LTBP4: variants seen among roughly 807,000 people sequenced by gnomAD.
LTBP4 encodes latent transforming growth factor beta binding protein 4.
A neutral mutation model predicts 180.2 loss-of-function variants in LTBP4; 93 were observed. The observed-to-expected ratio is 0.52, with a 90% CI of 0.44 to 0.61. LTBP4 has a LOEUF of 0.61. Among genes scored for constraint, LTBP4 ranks in the 20% least tolerant of loss-of-function variants. The pLI is 0.00. For synonymous variants in LTBP4, 947 were observed against 934.5 expected, an observed-to-expected ratio of 1.01 and a Z score of -0.24; for missense variants, 2,116 against 2,256.5, an observed-to-expected ratio of 0.94 and a Z score of 1.26.
intron 11 of LTBP4, 102 bp from the exon 12 acceptor site, chr19:40,610,430 C>A: frequency 2.1e-6 from 3 of 1,409,388 alleles, no homozygotes; most frequent in Admixed American, 2.2e-5. Flanking sequence ...TGGCTCTGGC[C>A]CAAGCTTGGT....
At position 40,626,991 on chromosome 19, in the gene LTBP4, G is replaced by C; in HGVS notation, c.4002G>C (p.Leu1334=). 1 of 1,572,098 alleles carries C rather than the reference G, an allele frequency of 6.4e-7. No homozygotes were observed. Among genetic ancestry groups the C allele is most frequent in the East Asian group, 2.3e-5 (1 of 44,320 alleles). Residue 1334 remains leucine, a synonymous_variant, in exon 28 of 30, where the codon CTG becomes CTC. Transcript: ENST00000396819. ...PAQDSDDFEA[L]CNVLRPPAYS... is the part of the protein sequence containing the mutation. The stretch of plus-strand genomic sequence containing the variant: ...TGTTCCCAGATGACTTCGAGGCCCT[G>C]TGCAATGTGCTACGCCCCCCCGCAT...
At position 40,613,739 on chromosome 19, in the gene LTBP4, G is replaced by T. The variant is rs1240995876; in HGVS notation, c.2558-177G>T. On this transcript the variant is annotated intron_variant, in intron 17 of 29. Transcript: ENST00000396819. This position sits in a 1 kb window ranked among gnomAD's most constrained non-coding sequence, Gnocchi z 5.0. ...GAGTCTGGGTATTTGGACCGTGATTGTAAAGAAGCTGTTCTAAACCCGTCG... is the reference window on the plus strand; with the variant it reads ...GAGTCTGGGTATTTGGACCGTGATTTTAAAGAAGCTGTTCTAAACCCGTCG... 8.1e-7 allele frequency: 1 copy of T among 1,232,306 alleles called. No homozygotes were observed. Among genetic ancestry groups the T allele is most frequent in the Non-Finnish European group, 1.1e-6 (1 of 874,374 alleles). 76.3% of individuals were successfully genotyped at this position (1,232,306 alleles called of 1,614,324 possible). A position where few individuals can be genotyped will look rare whatever the true frequency, so the allele number is the denominator to read the frequency against.
Position 40,614,025 on chromosome 19 carries a change from C to A in LTBP4, c.2667C>A (p.Leu889=). The A allele has an allele frequency of 6.2e-7, 1 of 1,612,806 alleles. No individual in the cohort carries two copies. The highest frequency in any genetic ancestry group is 1.1e-5 in the South Asian group (1 of 91,046). The change falls in exon 18 of 30, where the codon CTC becomes CTA. Residue 889 remains leucine (L), a synonymous_variant. Transcript: ENST00000396819. ...CGGGACACCGCGCTGGCCCGGACCT[C>A]GCCTCCTGCCTCGGTGAGAGGCCCC... ...CPPGHRAGPD[L]ASCLDVDECR... is the part of the protein sequence containing the mutation.
Position 40,608,229 on chromosome 19 carries a change from G to T in LTBP4, c.1166G>T (p.Arg389Leu). The T allele has an allele frequency of 1.2e-6, 2 of 1,613,900 alleles. No homozygotes were observed. The highest frequency in any genetic ancestry group is 1.7e-6 in the Non-Finnish European group (2 of 1,179,892). Reference protein sequence around the residue: ...LCPPFGSEGFREICPAGPGYH... With the variant: ...LCPPFGSEGFLEICPAGPGYH... ...TCTTACCTATTCCCAGAGGGTTTCC[G>T]GGAGATCTGCCCGGCTGGTCCTGGT... The change falls in exon 8 of 30, where the codon CGG (arginine) becomes CTG (leucine). Residue 389 changes from arginine (R) to leucine (L), a missense_variant. Arg to Leu is a moderately radical substitution (Grantham distance 102). Coordinates refer to ENST00000396819, the MANE Select transcript of LTBP4 (RefSeq NM_001042545.2).
chr19:40,613,346 C>T lies in LTBP4; in HGVS notation c.2432-58C>T. On this transcript the variant is annotated intron_variant, in intron 16 of 29. Transcript: ENST00000396819. The surrounding 1 kb of genome is among the most constrained non-coding windows in gnomAD (Gnocchi z 5.0). The stretch of plus-strand genomic sequence containing the variant: ...GGGGGCGGGGTTACTGCGATGTGGG[C>T]GGAGCTTGTCTGGGAGGCCGGGTCC... 1 of 1,574,450 alleles carries T rather than the reference C, an allele frequency of 6.4e-7. No homozygotes were observed. The highest frequency in any genetic ancestry group is 2.4e-5 in the East Asian group (1 of 42,514).
Position 40,593,926 on chromosome 19 carries a change from C to T in LTBP4, c.16+745C>T, listed in dbSNP as rs139179684. ...CTCCCACCTTAGCCTCTTGAGTAGC[C>T]GGGATTACAGGCGTGCGCCACCATG... is the stretch of plus-strand genomic sequence containing the variant. On this transcript the variant is annotated intron_variant, in intron 1 of 32. Coordinates refer to the LTBP4 transcript ENST00000204005. 7.0e-3 allele frequency among the ~76,000 whole-genome samples: 1,065 copies of T among 151,942 alleles called. 13 individuals are homozygous for T. Among genetic ancestry groups the T allele is most frequent in the African/African-American group, 0.024 (1,004 of 41,438 alleles).
At chr19:40,595,442 A>C (rs2081384933) in intron 1 of LTBP4, among the ~76,000 whole-genome samples, 1 of 77,592 alleles carries the variant, frequency 1.3e-5, no homozygotes, top group Admixed American at 1.5e-4. Context: ...CCTGACCCAC[A>C]GGATCTGCTC....
chr19:40,597,347 T>C (rs2081396661), upstream of LTBP4: 2 of 1,523,128 alleles, frequency 1.3e-6, no homozygotes, highest in South Asian at 2.4e-5. Context: ...AGCCAGGTCG[T>C]CGAGGTCCCG....
At position 40,629,428 on chromosome 19, in the gene LTBP4, T is replaced by A; in HGVS notation, c.4552T>A (p.Ser1518Thr). Reference sequence around the variant, plus strand: ...CGAGTGTGATGAGGCCGAGGCTGCCTCCCCGCTGTGCGTCAACGCGCGTTG... The same window carrying A: ...CGAGTGTGATGAGGCCGAGGCTGCCACCCCGCTGTGCGTCAACGCGCGTTG... Reference protein sequence around the residue: ...INECDEAEAASPLCVNARCLN... With the variant: ...INECDEAEAATPLCVNARCLN... The change falls in exon 30 of 30, where the codon TCC (serine) becomes ACC (threonine). Residue 1518 changes from serine (S) to threonine (T), a missense_variant. This residue lies in a region of LTBP4 where 488 missense variants were observed against 458.8 expected (regional missense o/e 1.06). Transcript: ENST00000396819. This position sits in a 1 kb window ranked among gnomAD's most constrained non-coding sequence, Gnocchi z 4.5. 6.2e-7 allele frequency: 1 copy of A among 1,612,706 alleles called. No homozygotes were observed. The highest frequency in any genetic ancestry group is 8.5e-7 in the Non-Finnish European group (1 of 1,179,494).
chr19:40,607,576 G>T (rs75329513), intron 7 of LTBP4, 47 bp downstream of exon 7: 14 of 1,533,316 alleles, frequency 9.1e-6, no homozygotes, highest in Non-Finnish European at 1.1e-5. Flanking sequence ...CACATGTGGC[G>T]CTCATTCTAC....
In LTBP4 at chr19:40,609,888, A is replaced by G; in HGVS notation, c.1684+17A>G. On this transcript the variant is annotated intron_variant, in intron 11 of 29. Transcript: ENST00000396819. This position sits in a 1 kb window ranked among gnomAD's most constrained non-coding sequence, Gnocchi z 4.9. ...AATGCCTGGGTGAGAAATTTGCCCC[A>G]CCCGGCTCCAGGCCCACCCCAGGGT... 6.6e-7 allele frequency: 1 copy of G among 1,514,576 alleles called. No individual in the cohort carries two copies. Among genetic ancestry groups the G allele is most frequent in the South Asian group, 1.3e-5 (1 of 78,776 alleles). The allele number at this position is 1,514,576 out of a possible 1,614,324, so 93.8% of individuals were successfully genotyped here.
chr19:40,629,752 C>A lies in LTBP4; in HGVS notation c.*202C>A. 2.4e-6 allele frequency: 1 copy of A among 419,566 alleles called. No individual in the cohort carries two copies. Among genetic ancestry groups the A allele is most frequent in the Non-Finnish European group, 3.9e-6 (1 of 255,562 alleles). 26.0% of individuals were successfully genotyped at this position (419,566 alleles called of 1,614,324 possible). On this transcript the variant is annotated 3_prime_UTR_variant, in exon 30 of 30. Transcript: ENST00000396819. This position sits in a 1 kb window ranked among gnomAD's most constrained non-coding sequence, Gnocchi z 4.5. ...ACTGATGTCGTGGTCCCGGGCCTGG[C>A]CCAGGGGCCCCTTTACATGCCCTCT...
Position 40,601,588 on chromosome 19 carries a change from C to T in LTBP4, c.201C>T (p.Asp67=), listed in dbSNP as rs2081424439. Residue 67 remains aspartate (D), a synonymous_variant, in exon 1 of 30, where the codon GAC becomes GAT. Coordinates refer to ENST00000396819, the MANE Select transcript of LTBP4 (RefSeq NM_001042545.2). ...TCAPRNATSV[D]SGAPGGAAPG... ...CGCCCCGCAACGCCACCAGCGTGGA[C>T]AGCGGCGCTCCCGGCGGGGCGGCCC... The T allele has an allele frequency of 7.0e-7, 1 of 1,428,736 alleles. No individual in the cohort carries two copies. The highest frequency in any genetic ancestry group is 1.4e-5 in the South Asian group (1 of 68,968). The allele number at this position is 1,428,736 out of a possible 1,614,324, so 88.5% of individuals were successfully genotyped here. A position where few individuals can be genotyped will look rare whatever the true frequency, so the allele number is the denominator to read the frequency against.
At chr19:40,599,074 G>T (rs149035012), upstream of LTBP4, 797 of 863,294 alleles carry the variant, frequency 9.2e-4, 1 homozygote, top group Non-Finnish European at 1.1e-3. Flanking sequence ...GAAGAACCTC[G>T]TTAGTCATAT....
chr19:40,605,609 C>A lies in LTBP4; in HGVS notation c.647C>A (p.Ala216Asp). 1.9e-6 allele frequency: 3 copies of A among 1,596,270 alleles called. No homozygotes were observed. Among genetic ancestry groups the A allele is most frequent in the Non-Finnish European group, 2.6e-6 (3 of 1,171,544 alleles). The change falls in exon 3 of 30, where the codon GCC (alanine) becomes GAC (aspartate). Residue 216 changes from alanine to aspartate, a missense_variant. Around this residue, in one of 5 missense-constraint regions of LTBP4, gnomAD observed 469 missense variants for 532.5 expected, o/e 0.88. Transcript: ENST00000396819. The surrounding 1 kb of genome is among the most constrained non-coding windows in gnomAD (Gnocchi z 5.5). The part of the protein sequence containing the change: ...SAPREDGYSD[A>D]SGFGYCFREL... ...CCGCGGGAGGACGGCTACTCAGATG[C>A]CTCGGGCTTCGGTTACTGCTTTCGG... is the stretch of plus-strand genomic sequence containing the variant.
intron 18 of LTBP4, 73 bp from the exon 19 acceptor site, chr19:40,614,241 CT>C: frequency 2.6e-6 from 4 of 1,547,652 alleles, no homozygotes; most frequent in Non-Finnish European, 3.5e-6. Flanking sequence ...CCTTCTGACT[CT>C]CCTCTCCCCT....
chr19:40,608,525 C>G lies in LTBP4; in HGVS notation c.1348C>G (p.Arg450Gly), dbSNP rs774320855. 1.1e-5 allele frequency: 17 copies of G among 1,605,604 alleles called. No homozygotes were observed. The highest frequency in any genetic ancestry group is 1.3e-5 in the Non-Finnish European group (15 of 1,177,126). ...TCGCCTGGAGCCCCGGCCTGAACCC[C>G]GGCCCGATCCCCGGCCCGGCCCTGA... is the stretch of plus-strand genomic sequence containing the variant. ...THRLEPRPEP[R>G]PDPRPGPELP... Residue 450 changes from arginine (R) to glycine (G), a missense_variant, in exon 9 of 30, where the codon CGG becomes GGG. This residue lies in a region of LTBP4 where 877 missense variants were observed against 873.6 expected (regional missense o/e 1.00). Transcript: ENST00000396819.
At position 40,607,525 on chromosome 19, in the gene LTBP4, C is replaced by A. The variant is rs2081472243; in HGVS notation, c.1152C>A (p.Gly384=). 1 of 1,608,702 alleles carries A rather than the reference C, an allele frequency of 6.2e-7. No homozygotes were observed. Among genetic ancestry groups the A allele is most frequent in the African/African-American group, 1.3e-5 (1 of 75,002 alleles). The change falls in exon 7 of 30, where the codon GGC becomes GGA. Residue 384 remains glycine (G), a synonymous_variant. Coordinates refer to ENST00000396819, the MANE Select transcript of LTBP4 (RefSeq NM_001042545.2). ...GRGCQLCPPF[G]SEGFREICPA... is the part of the protein sequence containing the mutation. Reference sequence around the variant, plus strand: ...GCTGCCAGCTCTGCCCACCCTTCGGCTCAGGTGAGCCCCTGCGGCAGTGCC... The same window carrying A: ...GCTGCCAGCTCTGCCCACCCTTCGGATCAGGTGAGCCCCTGCGGCAGTGCC...
At position 40,609,775 on chromosome 19, in the gene LTBP4, C is replaced by T. The variant is rs774583217; in HGVS notation, c.1588C>T (p.Pro530Ser). The T allele has an allele frequency of 1.2e-6, 2 of 1,611,994 alleles. No individual in the cohort carries two copies. Among genetic ancestry groups the T allele is most frequent in the Non-Finnish European group, 1.7e-6 (2 of 1,178,972 alleles). Reference sequence around the variant, plus strand: ...GGACGAATGTCGCCGCGTGCCCCCGCCCTGTGCTCCCGGGCGCTGCGAGAA... The same window carrying T: ...GGACGAATGTCGCCGCGTGCCCCCGTCCTGTGCTCCCGGGCGCTGCGAGAA... ...DVDECRRVPP[P>S]CAPGRCENSP... The change falls in exon 11 of 30, where the codon CCC (proline) becomes TCC (serine). Residue 530 changes from proline to serine, a missense_variant. By Grantham distance (74) the Pro-to-Ser change is moderately conservative. Transcript: ENST00000396819. This position sits in a 1 kb window ranked among gnomAD's most constrained non-coding sequence, Gnocchi z 4.9.
Sources: allele counts gnomAD v4.1 joint callset (sites outside exome capture counted in the v4.1 genomes callset), GRCh38; gene constraint gnomAD v4.1.1; regional missense constraint gnomAD v4.1.1; non-coding constraint Gnocchi (gnomAD v3.1); transcripts MANE v1.5; gene names NCBI Gene and HGNC (gene_info 2026-07-23, HGNC 2026-07-21).